RPIA: variants seen among roughly 807,000 people sequenced by gnomAD.
RPIA encodes ribose-5-phosphate isomerase.
A neutral mutation model predicts 37.8 loss-of-function variants in RPIA; 29 were observed. The ratio of observed to expected loss-of-function variants is 0.77; its 90% CI spans 0.57 to 1.05. RPIA has a LOEUF of 1.05. Among genes scored for constraint, RPIA ranks in the 50% least tolerant of loss-of-function variants. The pLI is 0.00. For synonymous variants in RPIA, 167 were observed against 157.0 expected (o/e 1.06, Z -0.48); for missense variants, 385 against 413.6 (o/e 0.93, Z 0.60).
rs113677110 is a variant in RPIA at position 88,722,975 on chromosome 2, A to G, written c.403-6303A>G. On this transcript the variant is annotated intron_variant, in intron 3 of 8. Transcript: ENST00000283646. ...TGTTTTTTTAAGACAGGAAGCAAAC[A>G]GAAACCAAGTGCATAGTTTTTTGTT... 6.5e-3 allele frequency among the ~76,000 whole-genome samples: 986 copies of G among 152,370 alleles called. 20 individuals carry two copies. Among genetic ancestry groups the G allele is most frequent in the African/African-American group, 0.023 (938 of 41,588 alleles).
chr2:88,695,284 G>A (rs1672719103), intron 1 of RPIA, among the ~76,000 whole-genome samples: 1 of 152,224 alleles, frequency 6.6e-6, no homozygotes, highest in African/African-American at 2.4e-5. Flanking sequence ...AGTTCTGGAG[G>A]CCTGGACTTG....
intron 3 of RPIA, among the ~76,000 whole-genome samples, chr2:88,703,249 C>T (rs7566335): frequency 0.062 from 9,379 of 152,214 alleles, 516 homozygotes; most frequent in African/African-American, 0.14. Flanking sequence ...GACAGTGGCC[C>T]TTTTCTCACA....
chr2:88,692,921 A>G (rs910432428), intron 1 of RPIA, among the ~76,000 whole-genome samples: 1 of 152,186 alleles, frequency 6.6e-6, no homozygotes, highest in African/African-American at 2.4e-5. Flanking sequence ...CAATGTGGTA[A>G]CCTGTGGCTC....
intron 3 of RPIA, among the ~76,000 whole-genome samples, chr2:88,710,193 C>T (rs1672944722): frequency 6.6e-6 from 1 of 152,088 alleles, no homozygotes; most frequent in South Asian, 2.1e-4. Context: ...ACTACAGGTG[C>T]ATGCCACCAT....
chr2:88,706,323 A>C (rs1558689896), intron 3 of RPIA, among the ~76,000 whole-genome samples: 1 of 152,212 alleles, frequency 6.6e-6, no homozygotes, highest in South Asian at 2.1e-4. Flanking sequence ...CCAATGATAG[A>C]CTGGATGAAG....
chr2:88,720,476 T>C (rs1323303922), intron 3 of RPIA, among the ~76,000 whole-genome samples: 1 of 151,826 alleles, frequency 6.6e-6, no homozygotes, highest in Non-Finnish European at 1.5e-5. Flanking sequence ...GAGCTGAAAA[T>C]GAGTTGGAGA....
At chr2:88,692,064 G>A in intron 1 of RPIA, 81 bp downstream of exon 1, 1 of 1,495,524 alleles carries the variant, frequency 6.7e-7, no homozygotes, top group Admixed American at 2.0e-5. Flanking sequence ...GTGCTGCCGG[G>A]GCGCGCCTAG....
chr2:88,741,527 A>T (rs1246430967), intron 8 of RPIA, among the ~76,000 whole-genome samples: 1 of 152,212 alleles, frequency 6.6e-6, no homozygotes, highest in East Asian at 1.9e-4. Context: ...TTGTTTTGCT[A>T]TCAACATGTG....
intron 1 of RPIA, 47 bp downstream of exon 1, chr2:88,692,030 A>T: frequency 6.5e-7 from 1 of 1,538,174 alleles, no homozygotes; most frequent in African/African-American, 1.4e-5. Context: ...CCTTGGCGTG[A>T]TGGGCTACTG....
chr2:88,714,750 A>C (rs1673011403), intron 3 of RPIA, among the ~76,000 whole-genome samples: 1 of 152,208 alleles, frequency 6.6e-6, no homozygotes, highest in Non-Finnish European at 1.5e-5. Context: ...TTTTCAACAC[A>C]ATACCTGTGG....
At chr2:88,734,687 A>G in intron 5 of RPIA, 71 bp downstream of exon 5, 1 of 1,496,112 alleles carries the variant, frequency 6.7e-7, no homozygotes. Flanking sequence ...AGATGGATAC[A>G]GAATAAACAA....
At chr2:88,721,274 T>C (rs998674573) in intron 3 of RPIA, among the ~76,000 whole-genome samples, 2 of 151,882 alleles carry the variant, frequency 1.3e-5, no homozygotes, top group Non-Finnish European at 2.9e-5. Flanking sequence ...AGATGATGGG[T>C]GGATGGGTAC....
At chr2:88,713,927 A>G (rs1673000197) in intron 3 of RPIA, among the ~76,000 whole-genome samples, 1 of 144,892 alleles carries the variant, frequency 6.9e-6, no homozygotes, top group Non-Finnish European at 1.5e-5. Flanking sequence ...TTTTTTTTCA[A>G]TTTCTTCACT....
At chr2:88,705,847 A>T (rs1274265013) in intron 3 of RPIA, among the ~76,000 whole-genome samples, 1 of 151,534 alleles carries the variant, frequency 6.6e-6, no homozygotes, top group Non-Finnish European at 1.5e-5. Context: ...CAAGGAACTT[A>T]AACAAATTTA....
chr2:88,699,383 G>A (rs929946756), intron 2 of RPIA, among the ~76,000 whole-genome samples: 27 of 151,326 alleles, frequency 1.8e-4, no homozygotes, highest in Middle Eastern at 3.4e-3. Flanking sequence ...ATTTTAATAC[G>A]AATTTTTTCC....
chr2:88,716,045 G>A (rs1449383525), intron 3 of RPIA, among the ~76,000 whole-genome samples: 1 of 151,996 alleles, frequency 6.6e-6, no homozygotes, highest in Non-Finnish European at 1.5e-5. Context: ...CTTCCTTGTG[G>A]ACAAAAGACA....
chr2:88,714,073 C>G (rs1673001463), intron 3 of RPIA, among the ~76,000 whole-genome samples: 1 of 151,986 alleles, frequency 6.6e-6, no homozygotes, highest in African/African-American at 2.4e-5. Context: ...TTGACAAGCA[C>G]AGTCATGTAA....
intron 3 of RPIA, among the ~76,000 whole-genome samples, chr2:88,715,432 A>G (rs1299533565): frequency 6.6e-6 from 1 of 152,196 alleles, no homozygotes; most frequent in Non-Finnish European, 1.5e-5. Context: ...TATAAGAACA[A>G]TGGGGGATGC....
At chr2:88,714,257 G>A (rs1200508582) in intron 3 of RPIA, among the ~76,000 whole-genome samples, 2 of 151,844 alleles carry the variant, frequency 1.3e-5, no homozygotes, top group Non-Finnish European at 1.5e-5. Context: ...TGCAACCTCC[G>A]CCTCCTGGGT....
Sources: allele counts gnomAD v4.1 joint callset (sites outside exome capture counted in the v4.1 genomes callset), GRCh38; gene constraint gnomAD v4.1.1; transcripts MANE v1.5; gene names NCBI Gene and HGNC (gene_info 2026-07-23, HGNC 2026-07-21).